The following HNF4G variants were observed in gnomAD, a reference collection of about 807,000 sequenced individuals.
HNF4G encodes hepatocyte nuclear factor 4-gamma.
A neutral mutation model predicts 50.9 loss-of-function variants in HNF4G; 21 were observed. That is an observed-to-expected ratio of 0.41 (90% CI 0.29 to 0.59). The LOEUF (loss-of-function observed/expected upper bound fraction) is 0.59, where lower values mean the gene tolerates loss of function less well. Among genes scored for constraint, HNF4G ranks in the 20% least tolerant of loss-of-function variants. The probability of loss-of-function intolerance (pLI) is 0.26; values close to 1 mark genes in which losing one functional copy is unlikely to be tolerated. For missense variants in HNF4G, 527 were observed against 559.4 expected, an observed-to-expected ratio of 0.94 and a Z score of 0.58; for synonymous variants, 198 against 185.6, an observed-to-expected ratio of 1.07 and a Z score of -0.54.
chr8:75,442,215 C>T (rs1811303759), intron 1 of HNF4G, among the ~76,000 whole-genome samples: 1 of 152,062 alleles, frequency 6.6e-6, no homozygotes, highest in South Asian at 2.1e-4. Context: ...GAGATTTAAT[C>T]AAGTTAAGGT....
intron 1 of HNF4G, among the ~76,000 whole-genome samples, chr8:75,443,990 C>T (rs914253316): frequency 6.6e-6 from 1 of 151,982 alleles, no homozygotes; most frequent in South Asian, 2.1e-4. Context: ...AATGAAACAA[C>T]ATAAAAGCTC....
rs569795405 is a variant in HNF4G, at chr8:75,527,442, G to A, written c.-23-16369G>A. 8.5e-5 allele frequency among the ~76,000 whole-genome samples: 13 copies of A among 152,238 alleles called. No individual in the cohort carries two copies. In the East Asian group the frequency reaches 2.5e-3, roughly 29 times the overall value. On this transcript the variant is annotated intron_variant, in intron 2 of 10. Coordinates refer to the HNF4G transcript ENST00000354370. ...AGCCCTATTTCTCCTAGGAGCAGTC[G>A]TTCAGTATTCGCTAATTCAATGTTC...
chr8:75,549,790 T>A (rs1280453018), intron 3 of HNF4G, among the ~76,000 whole-genome samples: 1 of 151,808 alleles, frequency 6.6e-6, no homozygotes, highest in Non-Finnish European at 1.5e-5. Context: ...CCCCAGAGTG[T>A]GATGTTCCCC....
chr8:75,459,387 T>C (rs1290242464), intron 1 of HNF4G, among the ~76,000 whole-genome samples: 2 of 152,176 alleles, frequency 1.3e-5, no homozygotes, highest in African/African-American at 4.8e-5. Flanking sequence ...TAAATTCTTC[T>C]CATTATGTAG....
At chr8:75,535,911 C>T (rs1364658785), upstream of HNF4G, among the ~76,000 whole-genome samples, 3 of 151,916 alleles carry the variant, frequency 2.0e-5, no homozygotes, top group Non-Finnish European at 4.4e-5. Context: ...CTTCTTTAAA[C>T]ATCATGCTGT....
At chr8:75,442,260 A>G (rs17303554) in intron 1 of HNF4G, among the ~76,000 whole-genome samples, 8,860 of 152,208 alleles carry the variant, frequency 0.058, 338 homozygotes, top group South Asian at 0.088. Flanking sequence ...TTCATTCTCT[A>G]CTTTATAGCC....
rs2941473 is a variant in HNF4G, at chr8:75,560,325, A to T, written c.1124-19A>T. ...CCTGATTAAATATCACTAACACAGC[A>T]TCTTTTTATCTTTTGTAGGGGCTTC... On this transcript the variant is annotated intron_variant, in intron 8 of 9. Coordinates refer to ENST00000396423, the MANE Select transcript of HNF4G (RefSeq NM_004133.5). 0.48 allele frequency: 771,350 copies of T among 1,607,230 alleles called. 190,326 individuals are homozygous for T. The highest frequency in any genetic ancestry group is 0.73 in the African/African-American group (54,498 of 74,764).
chr8:75,529,912 A>T (rs906605046), intron 2 of HNF4G, among the ~76,000 whole-genome samples: 1 of 152,114 alleles, frequency 6.6e-6, no homozygotes, highest in African/African-American at 2.4e-5. Flanking sequence ...ACTTTTATCC[A>T]ACCACCATTC....
chr8:75,415,879 G>A (rs1420865378), intron 1 of HNF4G, among the ~76,000 whole-genome samples: 1 of 152,072 alleles, frequency 6.6e-6, no homozygotes, highest in East Asian at 1.9e-4. Context: ...TTCCCAATAG[G>A]GCAGGGGAGA....
chr8:75,531,547 G>A (rs1323902910), intron 2 of HNF4G, among the ~76,000 whole-genome samples: 1 of 151,746 alleles, frequency 6.6e-6, no homozygotes, highest in Non-Finnish European at 1.5e-5. Flanking sequence ...ATAATTATTT[G>A]GATGAAATAT....
Position 75,435,001 on chromosome 8 carries a change from A to T in HNF4G, c.-144+26839A>T, listed in dbSNP as rs80071582. On this transcript the variant is annotated intron_variant, in intron 1 of 10. Transcript: ENST00000354370. ...CTATCTAACAGTTAAGGAACCTATA[A>T]TTTCAGTCTTACTTTAACTCTTTAA... is the stretch of plus-strand genomic sequence containing the variant. Among the ~76,000 whole-genome samples, 222 of 152,306 alleles carry T rather than the reference A, an allele frequency of 1.5e-3. 1 individual carries two copies. The highest frequency in any genetic ancestry group is 5.1e-3 in the African/African-American group (210 of 41,572).
At chr8:75,475,396 A>G (rs1812219335) in intron 1 of HNF4G, among the ~76,000 whole-genome samples, 1 of 152,204 alleles carries the variant, frequency 6.6e-6, no homozygotes, top group Admixed American at 6.5e-5. Flanking sequence ...TATTAAAGGA[A>G]ATATATGACA....
intron 1 of HNF4G, among the ~76,000 whole-genome samples, chr8:75,452,885 G>A (rs1269002348): frequency 6.6e-6 from 1 of 152,174 alleles, no homozygotes; most frequent in African/African-American, 2.4e-5. Flanking sequence ...CCACTTGAAT[G>A]AGAGATTATT....
intron 3 of HNF4G, among the ~76,000 whole-genome samples, chr8:75,549,563 T>C (rs13260571): frequency 0.04 from 6,110 of 151,358 alleles, 189 homozygotes; most frequent in Middle Eastern, 0.068. Flanking sequence ...TTTTTTTTTT[T>C]CACAAAGAAG....
intron 7 of HNF4G, 62 bp from the exon 8 acceptor site, chr8:75,558,739 T>C (rs1807208215): frequency 6.3e-7 from 1 of 1,581,126 alleles, no homozygotes; most frequent in African/African-American, 1.4e-5. Flanking sequence ...TATTAGAATA[T>C]TTATTGTCTC....
intron 1 of HNF4G, among the ~76,000 whole-genome samples, chr8:75,417,678 T>C (rs1810674077): frequency 6.6e-6 from 1 of 152,216 alleles, no homozygotes; most frequent in South Asian, 2.1e-4. Flanking sequence ...TATGAATGAT[T>C]TCACTGAATT....
intron 2 of HNF4G, among the ~76,000 whole-genome samples, chr8:75,504,175 T>A (rs1813003403): frequency 6.6e-6 from 1 of 151,012 alleles, no homozygotes; most frequent in South Asian, 2.1e-4. Context: ...GAGCTGAGAT[T>A]GTGCCACTGC....
intron 1 of HNF4G, among the ~76,000 whole-genome samples, chr8:75,450,248 C>A (rs1811554459): frequency 6.6e-6 from 1 of 152,158 alleles, no homozygotes; most frequent in Admixed American, 6.5e-5. Context: ...TTTATCTGCT[C>A]ATTGATTGAT....
At chr8:75,540,851 ATG>A (rs56799230) in intron 1 of HNF4G, among the ~76,000 whole-genome samples, 298 of 146,344 alleles carry the variant, frequency 2.0e-3, no homozygotes, top group South Asian at 7.2e-3. Context: ...GAAAATGTGT[ATG>A]TGTGTGTGTG....
Sources: allele counts gnomAD v4.1 joint callset (sites outside exome capture counted in the v4.1 genomes callset), GRCh38; gene constraint gnomAD v4.1.1; transcripts MANE v1.5; gene names NCBI Gene and HGNC (gene_info 2026-07-23, HGNC 2026-07-21).